The following GATAD1 variants were observed in gnomAD, a reference collection of about 807,000 sequenced individuals.
The protein encoded by GATAD1 is GATA zinc finger domain-containing protein 1.
GATAD1 carries 12 observed loss-of-function variants against 26.5 expected under a neutral mutation model. That is an observed-to-expected ratio of 0.45 (90% CI 0.29 to 0.73). The LOEUF is 0.73. Among genes scored for constraint, GATAD1 ranks in the 30% least tolerant of loss-of-function variants. GATAD1 has a pLI of 0.10. For synonymous variants in GATAD1, 129 were observed against 133.1 expected (o/e 0.97, Z 0.21); for missense variants, 266 against 342.1 (o/e 0.78, Z 1.75).
chr7:92,483,860 C>T, the GATAD1 span, among the ~76,000 whole-genome samples: 4 of 151,910 alleles, frequency 2.6e-5, no homozygotes, highest in African/African-American at 4.8e-5. Flanking sequence ...GGACCTGGCT[C>T]GGCCTGGTGA....
chr7:92,471,961 T>G, the GATAD1 span: 1 of 152,204 alleles, frequency 6.6e-6, no homozygotes, highest in Non-Finnish European at 1.5e-5. Flanking sequence ...GTTCCTGGAG[T>G]GAGGGGATTA....
At chr7:92,484,852 T>C in the GATAD1 span, among the ~76,000 whole-genome samples, 5 of 152,134 alleles carry the variant, frequency 3.3e-5, no homozygotes, top group Non-Finnish European at 7.4e-5. Context: ...GTCATGAGCG[T>C]CCGTGTGAAG....
In GATAD1 at chr7:92,456,377, G is replaced by A. The variant is rs1300188879; in HGVS notation, c.625G>A (p.Glu209Lys). The change falls in exon 5 of 5, where the codon GAG (glutamate) becomes AAG (lysine). Residue 209 changes from glutamate to lysine, a missense_variant. Coordinates refer to ENST00000287957, the MANE Select transcript of GATAD1 (RefSeq NM_021167.5). ...FDPASYIIGP[E>K]EDLPRKMEYL... is the part of the protein sequence containing the mutation. The stretch of plus-strand genomic sequence containing the variant: ...TTCCCTTGGCTGCCTTCCAGGGCCA[G>A]AGGAAGATCTTCCAAGGAAGATGGA... 1 of 1,605,882 alleles carries A rather than the reference G, an allele frequency of 6.2e-7. No individual in the cohort carries two copies. The highest frequency in any genetic ancestry group is 8.5e-7 in the Non-Finnish European group (1 of 1,173,784).
At chr7:92,491,537 G>T in the GATAD1 span, 1 of 1,282,022 alleles carries the variant, frequency 7.8e-7, no homozygotes, top group Non-Finnish European at 1.1e-6. Context: ...GTTTAAAGAT[G>T]TAAACAATTT....
At chr7:92,452,093 A>G (rs1263195531) in intron 3 of GATAD1, among the ~76,000 whole-genome samples, 2 of 152,218 alleles carry the variant, frequency 1.3e-5, no homozygotes, top group Admixed American at 6.5e-5. Context: ...CACTCAATGA[A>G]TAGTAGGAGT....
the GATAD1 span, among the ~76,000 whole-genome samples, chr7:92,486,451 T>TGTCA: frequency 6.6e-6 from 1 of 152,248 alleles, no homozygotes; most frequent in African/African-American, 2.4e-5. Flanking sequence ...AGGGCAGGTA[T>TGTCA]GTCAGCTCAG....
At chr7:92,484,302 T>A in the GATAD1 span, among the ~76,000 whole-genome samples, 3 of 151,536 alleles carry the variant, frequency 2.0e-5, no homozygotes, top group Non-Finnish European at 4.4e-5. Context: ...TTGCCCATAG[T>A]GAAGGAGGTA....
At chr7:92,451,839 T>G (rs1280530972) in intron 3 of GATAD1, among the ~76,000 whole-genome samples, 1 of 152,246 alleles carries the variant, frequency 6.6e-6, no homozygotes, top group African/African-American at 2.4e-5. Flanking sequence ...ATGAGAACAT[T>G]GAGGCACAGC....
At chr7:92,490,632 C>CAAAAAAA in the GATAD1 span, among the ~76,000 whole-genome samples, 1 of 79,656 alleles carries the variant, frequency 1.3e-5, no homozygotes, top group African/African-American at 5.0e-5. Flanking sequence ...GAGACTGTCT[C>CAAAAAAA]AAAAAAAAAA....
chr7:92,448,915 C>A, intron 2 of GATAD1, 38 bp downstream of exon 2: 1 of 1,587,370 alleles, frequency 6.3e-7, no homozygotes, highest in Non-Finnish European at 8.7e-7. Flanking sequence ...ACTGTAATGA[C>A]GTTGTGTGTA....
intron 3 of GATAD1, among the ~76,000 whole-genome samples, chr7:92,453,694 TTGAG>T (rs762240549): frequency 6.6e-6 from 1 of 152,180 alleles, no homozygotes; most frequent in Non-Finnish European, 1.5e-5. Flanking sequence ...TCTATTTTCT[TTGAG>T]TGGATGGTTG....
the GATAD1 span, chr7:92,487,043 T>G: frequency 6.5e-6 from 1 of 154,720 alleles, no homozygotes; most frequent in Non-Finnish European, 1.4e-5. Context: ...TAATAGGATA[T>G]TTTATTTCAA....
chr7:92,470,314 G>T, the GATAD1 span: 1 of 775,592 alleles, frequency 1.3e-6, no homozygotes, highest in Admixed American at 1.7e-5. Context: ...GCGGCATGGA[G>T]GGGGTGCAGT....
chr7:92,477,077 T>G, the GATAD1 span, among the ~76,000 whole-genome samples: 13 of 152,180 alleles, frequency 8.5e-5, no homozygotes, highest in Admixed American at 8.5e-4. Flanking sequence ...TTGAGACTTC[T>G]GGCTACACCA....
In GATAD1 at chr7:92,450,731, A is replaced by G. The variant is rs200665705; in HGVS notation, c.406A>G (p.Ile136Val). 6 of 1,610,168 alleles carry G rather than the reference A, an allele frequency of 3.7e-6. No individual in the cohort carries two copies. The African/African-American group carries it at 5.3e-5, about 14-fold the overall frequency. The change falls in exon 3 of 5, where the codon ATA becomes GTA. Residue 136 changes from isoleucine (I) to valine (V), a missense_variant. By Grantham distance (29) the Ile-to-Val change is conservative. Coordinates refer to ENST00000287957, the MANE Select transcript of GATAD1 (RefSeq NM_021167.5). ...PIKAPESVSTIITAESIFYKG... is the reference protein window; with the variant it reads ...PIKAPESVSTVITAESIFYKG... ...CAAAGCTCCTGAGTCAGTTTCCACT[A>G]TAATCACTGCAGAATCAATCTTCTA...
At chr7:92,466,322 A>G in the GATAD1 span, among the ~76,000 whole-genome samples, 3 of 152,000 alleles carry the variant, frequency 2.0e-5, no homozygotes, top group Non-Finnish European at 4.4e-5. Context: ...GTGCACTACC[A>G]TGCCCAGCTA....
intron 3 of GATAD1, among the ~76,000 whole-genome samples, chr7:92,452,131 C>A (rs1478915128): frequency 6.6e-6 from 1 of 152,192 alleles, no homozygotes; most frequent in African/African-American, 2.4e-5. Flanking sequence ...TGTGCATTAC[C>A]TTCACAGTTT....
chr7:92,495,766 C>G, the GATAD1 span, among the ~76,000 whole-genome samples: 1 of 151,914 alleles, frequency 6.6e-6, no homozygotes, highest in African/African-American at 2.4e-5. Context: ...GCTTTGTGAG[C>G]TTCTCTGTTT....
the GATAD1 span, chr7:92,475,215 C>T: frequency 6.6e-6 from 1 of 152,228 alleles, no homozygotes; most frequent in African/African-American, 2.4e-5. Context: ...GAATATAAGT[C>T]GTTTCTTTCT....
Sources: gnomAD v4.1 joint callset for allele counts (sites outside exome capture counted in the v4.1 genomes callset) on GRCh38, gnomAD v4.1.1 for gene constraint, MANE v1.5 for transcripts, NCBI Gene and HGNC (gene_info 2026-07-23, HGNC 2026-07-21) for gene names.